The following KCNH8 variants were observed in gnomAD, a reference collection of about 807,000 sequenced individuals.
The protein encoded by KCNH8 is potassium voltage-gated channel subfamily H member 8.
A neutral mutation model predicts 103.6 loss-of-function variants in KCNH8; 70 were observed. That is an observed-to-expected ratio of 0.68 (90% CI 0.56 to 0.82). KCNH8 has a LOEUF of 0.82. Among genes scored for constraint, KCNH8 ranks in the 40% least tolerant of loss-of-function variants. KCNH8 has a pLI of 0.00. For missense variants in KCNH8, 1,217 were observed against 1,329.9 expected (o/e 0.92, Z 1.32); for synonymous variants, 498 against 489.4 (o/e 1.02, Z -0.23).
At position 19,499,314 on chromosome 3, in the gene KCNH8, T is replaced by C. The variant is rs551502008; in HGVS notation, c.2041-11049T>C. Among the ~76,000 whole-genome samples, 12 of 152,262 alleles carry C rather than the reference T, an allele frequency of 7.9e-5. 1 individual carries two copies. In the South Asian group the frequency reaches 2.1e-3, roughly 26 times the overall value. ...GTGAAAAGACCAAATCTACGTCTGA[T>C]TGATGTACCTGAAAGTCACAAGGAG... On this transcript the variant is annotated intron_variant, in intron 11 of 15. Coordinates refer to ENST00000328405, the MANE Select transcript of KCNH8 (RefSeq NM_144633.3).
chr3:19,219,994 G>A lies in KCNH8; in HGVS notation c.77-33660G>A, dbSNP rs141187326. 4.2e-3 allele frequency among the ~76,000 whole-genome samples: 642 copies of A among 152,292 alleles called. 4 individuals are homozygous for A. The highest frequency in any genetic ancestry group is 0.015 in the African/African-American group (607 of 41,556). ...GGACACGGTTTAAAGGGCCACAGAC[G>A]TTACATCTACTTGCCTTAATAATCA... On this transcript the variant is annotated intron_variant, in intron 1 of 15. Coordinates refer to ENST00000328405, the MANE Select transcript of KCNH8 (RefSeq NM_144633.3).
At chr3:19,214,162 G>A (rs768630669) in intron 1 of KCNH8, among the ~76,000 whole-genome samples, 13 of 152,206 alleles carry the variant, frequency 8.5e-5, no homozygotes, top group Admixed American at 2.6e-4. Context: ...TCTCTACGAC[G>A]TTGGGAGCTG....
At position 19,533,434 on chromosome 3, in the gene KCNH8, G is replaced by A; in HGVS notation, c.2659G>A (p.Asp887Asn). The change falls in exon 16 of 16, where the codon GAC becomes AAC. Residue 887 changes from aspartate (D) to asparagine (N), a missense_variant. Transcript: ENST00000328405. ...LTQEVSQLGK[D>N]MRNVIQLLEN... ...TCAGGAAGTTTCTCAGTTGGGTAAA[G>A]ACATGAGAAATGTGATCCAGCTTCT... 6.2e-7 allele frequency: 1 copy of A among 1,614,080 alleles called. No homozygotes were observed. The highest frequency in any genetic ancestry group is 8.5e-7 in the Non-Finnish European group (1 of 1,179,970).
intron 3 of KCNH8, among the ~76,000 whole-genome samples, chr3:19,298,077 TAATA>T (rs2065018141): frequency 6.6e-6 from 1 of 152,150 alleles, no homozygotes. Flanking sequence ...TAGGTGAGAA[TAATA>T]AATAATAGTG....
Position 19,492,039 on chromosome 3 carries a change from ATTTG to A in KCNH8, c.2041-18320_2041-18317del, listed in dbSNP as rs540825779. 5.3e-5 allele frequency among the ~76,000 whole-genome samples: 8 copies of A among 152,160 alleles called. No homozygotes were observed. The South Asian group carries it at 1.5e-3, about 28-fold the overall frequency. On this transcript the variant is annotated intron_variant, in intron 11 of 15. Transcript: ENST00000328405. The stretch of plus-strand genomic sequence containing the variant: ...GGAGTTGTTTGGTTTTTGCTTGTAA[ATTTG>A]TTTAAGTTTCTTATAGATTCTGGAT...
intron 15 of KCNH8, among the ~76,000 whole-genome samples, chr3:19,522,748 G>C (rs151110319): frequency 5.9e-5 from 9 of 151,810 alleles, no homozygotes; most frequent in Non-Finnish European, 1.3e-4. Context: ...TGTCTAAACT[G>C]CTTTGATGGG....
At chr3:19,176,140 G>A (rs186471883) in intron 1 of KCNH8, among the ~76,000 whole-genome samples, 318 of 152,130 alleles carry the variant, frequency 2.1e-3, no homozygotes, top group African/African-American at 7.2e-3. Context: ...TTCACCTCTC[G>A]TCCTTTAATA....
chr3:19,285,696 CA>C (rs906859003), intron 3 of KCNH8, among the ~76,000 whole-genome samples: 5 of 146,692 alleles, frequency 3.4e-5, no homozygotes, highest in Non-Finnish European at 7.5e-5. Context: ...ACAAAGTTGA[CA>C]TAGTAAAAAA....
At chr3:19,442,223 A>G (rs1259206369) in intron 8 of KCNH8, among the ~76,000 whole-genome samples, 1 of 152,202 alleles carries the variant, frequency 6.6e-6, no homozygotes, top group Non-Finnish European at 1.5e-5. Context: ...TATGACTTTT[A>G]TAATTTCCAT....
At chr3:19,441,977 C>A (rs1468699121) in intron 8 of KCNH8, among the ~76,000 whole-genome samples, 2 of 152,128 alleles carry the variant, frequency 1.3e-5, no homozygotes, top group African/African-American at 4.8e-5. Flanking sequence ...TTTAATGATA[C>A]CAGGCAGTAA....
intron 1 of KCNH8, among the ~76,000 whole-genome samples, chr3:19,223,452 A>AT (rs1168481670): frequency 2.6e-5 from 4 of 152,064 alleles, no homozygotes; most frequent in Admixed American, 1.3e-4. Flanking sequence ...CATATTACAT[A>AT]TTTTTTTAAA....
At chr3:19,183,980 T>G (rs1313567179) in intron 1 of KCNH8, among the ~76,000 whole-genome samples, 1 of 152,118 alleles carries the variant, frequency 6.6e-6, no homozygotes, top group Non-Finnish European at 1.5e-5. Context: ...AACATGCTTA[T>G]GTTCATATGA....
intron 11 of KCNH8, among the ~76,000 whole-genome samples, chr3:19,462,492 GT>G (rs1481665765): frequency 3.3e-5 from 5 of 152,090 alleles, no homozygotes; most frequent in East Asian, 1.9e-4. Flanking sequence ...GGGGTTGTTT[GT>G]TTTTTTCTTG....
intron 3 of KCNH8, among the ~76,000 whole-genome samples, chr3:19,295,314 G>GT (rs2064981654): frequency 6.6e-6 from 1 of 151,938 alleles, no homozygotes. Flanking sequence ...AGTTCAGGAG[G>GT]TGGAGGCTGC....
At chr3:19,288,472 C>T (rs966686346) in intron 3 of KCNH8, among the ~76,000 whole-genome samples, 4 of 151,036 alleles carry the variant, frequency 2.6e-5, no homozygotes, top group Admixed American at 2.0e-4. Context: ...TGAGTGAGAA[C>T]ATATGGTGTT....
chr3:19,506,490 A>G (rs1449243331), intron 11 of KCNH8, among the ~76,000 whole-genome samples: 1 of 152,172 alleles, frequency 6.6e-6, no homozygotes, highest in African/African-American at 2.4e-5. Context: ...TGAAATGGCC[A>G]GTAGGTAGGC....
chr3:19,411,892 G>T (rs1346414990), intron 7 of KCNH8, among the ~76,000 whole-genome samples: 1 of 151,648 alleles, frequency 6.6e-6, no homozygotes, highest in Non-Finnish European at 1.5e-5. Context: ...CACACAAATG[G>T]AAAGACATTC....
At position 19,252,176 on chromosome 3, in the gene KCNH8, C is replaced by CT. The variant is rs537553221; in HGVS notation, c.77-1472dup. On this transcript the variant is annotated intron_variant, in intron 1 of 15. Coordinates refer to ENST00000328405, the MANE Select transcript of KCNH8 (RefSeq NM_144633.3). ...CTTAAACCCCATCTCCAACATGCAT[C>CT]TTTTTTCTCTCTGTCGACATTATAT... Among the ~76,000 whole-genome samples the CT allele has an allele frequency of 2.6e-4, 40 of 152,222 alleles. No individual in the cohort carries two copies. In the East Asian group the frequency reaches 7.7e-3, roughly 29 times the overall value.
intron 3 of KCNH8, among the ~76,000 whole-genome samples, chr3:19,318,400 A>G (rs2065302881): frequency 6.6e-6 from 1 of 151,660 alleles, no homozygotes; most frequent in African/African-American, 2.4e-5. Context: ...CACTGTACCC[A>G]ATGTGTAATC....
Sources: allele counts gnomAD v4.1 joint callset (sites outside exome capture counted in the v4.1 genomes callset), GRCh38; gene constraint gnomAD v4.1.1; transcripts MANE v1.5; gene names NCBI Gene and HGNC (gene_info 2026-07-23, HGNC 2026-07-21).